CSMD1: variants seen among roughly 807,000 people sequenced by gnomAD.
CSMD1 encodes the protein CUB and Sushi multiple domains 1.
Under a neutral mutation model 417.5 loss-of-function variants are expected in CSMD1, and 213 were observed. That is an observed-to-expected ratio of 0.51 (90% CI 0.46 to 0.57). The LOEUF is 0.57. Among genes scored for constraint, CSMD1 ranks in the 20% least tolerant of loss-of-function variants. The pLI, the probability that CSMD1 is intolerant of heterozygous loss-of-function variation, is 0.00. For synonymous variants in CSMD1, 2,862 were observed against 1,736.8 expected (o/e 1.65, Z -16.11); for missense variants, 6,923 against 4,529.7 (o/e 1.53, Z -15.17).
chr8:4,266,426 T>C (rs958953022), intron 3 of CSMD1, among the ~76,000 whole-genome samples: 1 of 105,170 alleles, frequency 9.5e-6, no homozygotes, highest in African/African-American at 2.6e-5. Context: ...GTGATTTCAT[T>C]ATAATATGTT....
intron 3 of CSMD1, among the ~76,000 whole-genome samples, chr8:4,202,841 T>C (rs1434075638): frequency 6.6e-6 from 1 of 152,170 alleles, no homozygotes; most frequent in African/African-American, 2.4e-5. Context: ...AAGCTGAAAC[T>C]TGAAACATCA....
chr8:4,132,078 C>T (rs2130983862), intron 3 of CSMD1, among the ~76,000 whole-genome samples: 1 of 151,942 alleles, frequency 6.6e-6, no homozygotes, highest in East Asian at 1.9e-4. Flanking sequence ...ATAGATTCTT[C>T]AAAAACAGGT....
intron 69 of CSMD1, among the ~76,000 whole-genome samples, chr8:2,941,346 A>T (rs565798253): frequency 6.6e-6 from 1 of 152,242 alleles, no homozygotes; most frequent in Non-Finnish European, 1.5e-5. Context: ...AAATAATATC[A>T]TGACAGTTTT....
intron 3 of CSMD1, among the ~76,000 whole-genome samples, chr8:4,040,170 T>G (rs1056004711): frequency 1.3e-5 from 2 of 152,198 alleles, no homozygotes; most frequent in Non-Finnish European, 1.5e-5. Context: ...AATGCTAGCA[T>G]AGTTGTAATG....
chr8:4,073,373 T>C (rs1423244379), intron 3 of CSMD1, among the ~76,000 whole-genome samples: 2 of 152,152 alleles, frequency 1.3e-5, no homozygotes, highest in African/African-American at 2.4e-5. Context: ...AAGGTCGTAC[T>C]TAATGAAGCT....
chr8:4,970,883 G>A (rs1241443741), intron 1 of CSMD1, among the ~76,000 whole-genome samples: 2 of 151,962 alleles, frequency 1.3e-5, no homozygotes, highest in East Asian at 1.9e-4. Context: ...TATTAAGAAA[G>A]GAAAGTAACG....
intron 26 of CSMD1, among the ~76,000 whole-genome samples, chr8:3,262,383 A>C (rs1801145140): frequency 1.3e-5 from 2 of 151,536 alleles, no homozygotes; most frequent in South Asian, 4.2e-4. Flanking sequence ...AAATCTGAAG[A>C]TGACAGTATC....
At chr8:4,340,156 A>G (rs927979455) in intron 3 of CSMD1, among the ~76,000 whole-genome samples, 4 of 151,966 alleles carry the variant, frequency 2.6e-5, no homozygotes, top group African/African-American at 9.7e-5. Context: ...AACATGTTCT[A>G]TTTTCTTGAT....
At chr8:4,449,835 T>A (rs1177813293) in intron 2 of CSMD1, among the ~76,000 whole-genome samples, 2 of 152,150 alleles carry the variant, frequency 1.3e-5, no homozygotes, top group Non-Finnish European at 2.9e-5. Flanking sequence ...ACGTTCCCTA[T>A]CTCAGTAAAT....
At chr8:3,848,063 T>C (rs1026161302) in intron 5 of CSMD1, among the ~76,000 whole-genome samples, 10 of 139,998 alleles carry the variant, frequency 7.1e-5, no homozygotes, top group African/African-American at 2.7e-4. Context: ...ACCATCCTGG[T>C]GATATTTCTC....
intron 3 of CSMD1, among the ~76,000 whole-genome samples, chr8:4,245,361 G>C (rs140519923): frequency 1.4e-4 from 22 of 152,288 alleles, no homozygotes; most frequent in South Asian, 4.1e-4. Flanking sequence ...AGGAAAGATT[G>C]CAAGTACCCA....
At chr8:4,098,252 T>G (rs1222977718) in intron 3 of CSMD1, among the ~76,000 whole-genome samples, 2 of 152,170 alleles carry the variant, frequency 1.3e-5, no homozygotes, top group Non-Finnish European at 2.9e-5. Flanking sequence ...ATAAATACAA[T>G]GTACTTCAGA....
chr8:4,416,597 A>C (rs1028612957), intron 3 of CSMD1, among the ~76,000 whole-genome samples: 2 of 152,136 alleles, frequency 1.3e-5, no homozygotes, highest in African/African-American at 4.8e-5. Flanking sequence ...ACTATTATAA[A>C]ATAGAAGAAT....
intron 2 of CSMD1, among the ~76,000 whole-genome samples, chr8:4,455,783 T>A (rs1168978917): frequency 1.3e-5 from 2 of 150,910 alleles, no homozygotes; most frequent in African/African-American, 4.9e-5. Context: ...ATACAAAAAT[T>A]CGCTGGATGT....
Position 4,700,807 on chromosome 8 carries a change from C to T in CSMD1, c.86-63249G>A, listed in dbSNP as rs145032084. 1.0e-3 allele frequency among the ~76,000 whole-genome samples: 152 copies of T among 151,918 alleles called. 2 individuals are homozygous for T. Among genetic ancestry groups the T allele is most frequent in the African/African-American group, 3.4e-3 (141 of 41,410 alleles). ...AAAGGGAAAGGATATTTCTGTAGAACGGATTAGAGCATGAAAAAAAGGTAA... is the reference window on the plus strand; with the variant it reads ...AAAGGGAAAGGATATTTCTGTAGAATGGATTAGAGCATGAAAAAAAGGTAA... On this transcript the variant is annotated intron_variant, in intron 1 of 69. Transcript: ENST00000635120.
At chr8:3,452,872 G>A (rs561703591) in intron 12 of CSMD1, among the ~76,000 whole-genome samples, 130 of 152,286 alleles carry the variant, frequency 8.5e-4, no homozygotes, top group Non-Finnish European at 1.3e-3. Context: ...CTATTGATTG[G>A]AATAGTTTCA....
chr8:3,806,622 A>G (rs1188027267), intron 5 of CSMD1, among the ~76,000 whole-genome samples: 1 of 152,196 alleles, frequency 6.6e-6, no homozygotes, highest in East Asian at 1.9e-4. Context: ...TCAATAATCA[A>G]TGTAAGTCAG....
At chr8:4,970,183 G>A (rs1563900973) in intron 1 of CSMD1, among the ~76,000 whole-genome samples, 1 of 152,058 alleles carries the variant, frequency 6.6e-6, no homozygotes, top group Non-Finnish European at 1.5e-5. Flanking sequence ...TGTAGAGGGA[G>A]AACTTGACTT....
At chr8:4,114,082 A>C (rs540722953) in intron 3 of CSMD1, among the ~76,000 whole-genome samples, 4 of 152,242 alleles carry the variant, frequency 2.6e-5, no homozygotes, top group Non-Finnish European at 5.9e-5. Flanking sequence ...TAGACAAAAC[A>C]GCCTTATGTA....
Sources: allele counts gnomAD v4.1 joint callset (sites outside exome capture counted in the v4.1 genomes callset), GRCh38; gene constraint gnomAD v4.1.1; transcripts MANE v1.5; gene names NCBI Gene and HGNC (gene_info 2026-07-23, HGNC 2026-07-21).